The following RSRC1 variants were observed in gnomAD, a reference collection of about 807,000 sequenced individuals.
The protein encoded by RSRC1 is arginine and serine rich coiled-coil 1.
In RSRC1, 39 loss-of-function variants were observed where a neutral mutation model predicts 49.1. That is an observed-to-expected ratio of 0.79 (90% CI 0.61 to 1.04). The LOEUF is 1.04. RSRC1 is among the 50% of genes least tolerant of loss of function. RSRC1 has a pLI of 0.00. For missense variants in RSRC1, 388 were observed against 402.4 expected (o/e 0.96, Z 0.31); for synonymous variants, 143 against 130.8 (o/e 1.09, Z -0.63).
In RSRC1 at chr3:158,378,960, A is replaced by G. The variant is rs1292595118; in HGVS notation, c.583+24052A>G. ...GTTACTGACTACACTGTTTCCCCAC[A>G]CCTCACAGTTGATCTATCAGCGACT... On this transcript the variant is annotated intron_variant, in intron 6 of 9. Coordinates refer to ENST00000611884, the MANE Select transcript of RSRC1 (RefSeq NM_001271838.2). Among the ~76,000 whole-genome samples the G allele has an allele frequency of 2.6e-5, 4 of 152,106 alleles. No homozygotes were observed. In the East Asian group the frequency reaches 5.8e-4, roughly 22 times the overall value.
chr3:158,297,932 A>T, intron 4 of RSRC1, 107 bp from the exon 5 acceptor site: 2 of 785,432 alleles, frequency 2.5e-6, no homozygotes, highest in South Asian at 3.1e-5. Context: ...AACATAAGTA[A>T]ATACATATGA....
chr3:158,149,104 A>G (rs1202009365), intron 3 of RSRC1, among the ~76,000 whole-genome samples: 1 of 152,098 alleles, frequency 6.6e-6, no homozygotes, highest in Non-Finnish European at 1.5e-5. Context: ...GCTTTTATGT[A>G]TTTGCTGTAC....
chr3:158,400,983 C>A (rs1733868436), intron 6 of RSRC1, among the ~76,000 whole-genome samples: 1 of 151,914 alleles, frequency 6.6e-6, no homozygotes, highest in African/African-American at 2.4e-5. Context: ...TTAATGGTAT[C>A]TTTTCTGTGT....
intron 6 of RSRC1, among the ~76,000 whole-genome samples, chr3:158,367,150 T>C (rs1442205370): frequency 6.6e-6 from 1 of 151,890 alleles, no homozygotes; most frequent in Non-Finnish European, 1.5e-5. Context: ...TCTCTTGCCC[T>C]GGCCAGACCT....
intron 5 of RSRC1, among the ~76,000 whole-genome samples, chr3:158,299,454 C>T (rs1727412589): frequency 6.6e-6 from 1 of 151,972 alleles, no homozygotes. Flanking sequence ...CTGCCTCAGC[C>T]TCCCAGTATT....
chr3:158,148,350 G>GGT lies in RSRC1; in HGVS notation c.320+24373_320+24374dup, dbSNP rs1379216222. On this transcript the variant is annotated intron_variant, in intron 3 of 9. Coordinates refer to ENST00000611884, the MANE Select transcript of RSRC1 (RefSeq NM_001271838.2). Reference sequence around the variant, plus strand: ...GCAAGATCCAAATTTGTTCTTAAAAGGTGTGTGTGTGTGTGCGTGTGTGTG... The same window carrying GGT: ...GCAAGATCCAAATTTGTTCTTAAAAGGTGTGTGTGTGTGTGTGCGTGTGTGTG... 7.4e-3 allele frequency among the ~76,000 whole-genome samples: 880 copies of GGT among 118,934 alleles called. 9 individuals carry two copies. Among genetic ancestry groups the GGT allele is most frequent in the African/African-American group, 0.028 (808 of 28,890 alleles). The allele number at this position is 118,934 out of a possible 152,430, so 78.0% of individuals were successfully genotyped here.
chr3:158,367,109 T>C (rs536183188), intron 6 of RSRC1, among the ~76,000 whole-genome samples: 1 of 152,290 alleles, frequency 6.6e-6, no homozygotes, highest in East Asian at 1.9e-4. Flanking sequence ...TTTGACTTCC[T>C]CTCTTCCTAT....
intron 7 of RSRC1, among the ~76,000 whole-genome samples, chr3:158,534,626 A>G (rs1407209067): frequency 6.6e-6 from 1 of 151,636 alleles, no homozygotes; most frequent in South Asian, 2.1e-4. Context: ...ATATGAAAAT[A>G]CAAAAATACG....
At chr3:158,310,650 G>A (rs899268745) in intron 5 of RSRC1, among the ~76,000 whole-genome samples, 1 of 151,636 alleles carries the variant, frequency 6.6e-6, no homozygotes, top group African/African-American at 2.4e-5. Context: ...TAAATTTAGA[G>A]AAGCAACTTT....
intron 6 of RSRC1, among the ~76,000 whole-genome samples, chr3:158,414,132 A>G (rs369985766): frequency 2.0e-5 from 3 of 152,218 alleles, no homozygotes; most frequent in East Asian, 3.9e-4. Flanking sequence ...TCACTGTAGC[A>G]AAGACATGGA....
At chr3:158,124,072 T>C (rs761064013) in intron 3 of RSRC1, 81 bp downstream of exon 3, 72 of 1,025,260 alleles carry the variant, frequency 7.0e-5, no homozygotes, top group Non-Finnish European at 9.4e-5. Flanking sequence ...ATTTATTTTC[T>C]TATAATTATA....
At chr3:158,258,953 T>G (rs970947349) in intron 4 of RSRC1, among the ~76,000 whole-genome samples, 1 of 152,188 alleles carries the variant, frequency 6.6e-6, no homozygotes, top group African/African-American at 2.4e-5. Context: ...GAATTTCTTC[T>G]TGGTATTTGT....
chr3:158,469,951 A>G (rs1738051910), intron 7 of RSRC1, among the ~76,000 whole-genome samples: 1 of 152,058 alleles, frequency 6.6e-6, no homozygotes, highest in Non-Finnish European at 1.5e-5. Flanking sequence ...ATAACAAATT[A>G]TTAGCTCTAT....
intron 3 of RSRC1, among the ~76,000 whole-genome samples, chr3:158,175,528 A>T (rs1719154245): frequency 6.6e-6 from 1 of 152,020 alleles, no homozygotes; most frequent in Admixed American, 6.6e-5. Flanking sequence ...TACTTATTGA[A>T]AAGACCTTCC....
rs527700636 is a variant in RSRC1, at chr3:158,323,691, A to G, written c.531+25616A>G. On this transcript the variant is annotated intron_variant, in intron 5 of 9. Transcript: ENST00000611884. ...GATCAAAACTTGCTGTTCTTACTAG[A>G]TAAAGTATTAAATAGCACTTTGCCT... 3.3e-5 allele frequency among the ~76,000 whole-genome samples: 5 copies of G among 152,314 alleles called. No individual in the cohort carries two copies. The East Asian group carries it at 9.6e-4, about 29-fold the overall frequency.
chr3:158,236,565 T>C (rs1723259475), intron 4 of RSRC1, among the ~76,000 whole-genome samples: 1 of 152,228 alleles, frequency 6.6e-6, no homozygotes, highest in South Asian at 2.1e-4. Flanking sequence ...ATAGAGTATA[T>C]ATGCTTTTCC....
chr3:158,148,081 A>G (rs775939637), intron 3 of RSRC1, among the ~76,000 whole-genome samples: 11 of 152,208 alleles, frequency 7.2e-5, no homozygotes, highest in Non-Finnish European at 1.6e-4. Context: ...TATTGTTACT[A>G]TTAAACGTGG....
chr3:158,376,390 G>A (rs1732376793), intron 6 of RSRC1, among the ~76,000 whole-genome samples: 2 of 151,786 alleles, frequency 1.3e-5, no homozygotes, highest in African/African-American at 4.8e-5. Context: ...TTGAACTCCA[G>A]ACCTCAGGTT....
chr3:158,471,961 A>T (rs573603938), intron 7 of RSRC1, among the ~76,000 whole-genome samples: 1 of 152,314 alleles, frequency 6.6e-6, no homozygotes, highest in South Asian at 2.1e-4. Context: ...TTGTGAAACG[A>T]CAAAAAATAC....
Sources: allele counts gnomAD v4.1 joint callset (sites outside exome capture counted in the v4.1 genomes callset), GRCh38; gene constraint gnomAD v4.1.1; transcripts MANE v1.5; gene names NCBI Gene and HGNC (gene_info 2026-07-23, HGNC 2026-07-21).